The following GAD1 variants were observed in gnomAD, a reference collection of about 807,000 sequenced individuals.
GAD1 encodes the protein glutamate decarboxylase 1.
Under a neutral mutation model 75.2 loss-of-function variants are expected in GAD1, and 35 were observed. The ratio of observed to expected loss-of-function variants is 0.47; its 90% CI spans 0.36 to 0.62. The LOEUF (loss-of-function observed/expected upper bound fraction) is 0.62, where lower values mean the gene tolerates loss of function less well. Among genes scored for constraint, GAD1 ranks in the 20% least tolerant of loss-of-function variants. GAD1 has a pLI of 0.00. For missense variants in GAD1, 490 were observed against 758.5 expected (o/e 0.65, Z 4.16); for synonymous variants, 257 against 271.9 (o/e 0.95, Z 0.54).
intron 14 of GAD1, among the ~76,000 whole-genome samples, chr2:170,855,580 A>C (rs1455272077): frequency 6.6e-6 from 1 of 151,748 alleles, no homozygotes; most frequent in Non-Finnish European, 1.5e-5. Flanking sequence ...TTTTAAACAT[A>C]TAAATAGCCA....
chr2:170,818,557 C>T lies in GAD1; in HGVS notation c.-35C>T. On this transcript the variant is annotated 5_prime_UTR_variant, in exon 2 of 17. Coordinates refer to ENST00000358196, the MANE Select transcript of GAD1 (RefSeq NM_000817.3). This position sits in a 1 kb window ranked among gnomAD's most constrained non-coding sequence, Gnocchi z 5.9. ...GTTTCTGCGCCGGACCAGTCGAGGA[C>T]TCTGGACAGTAGAGGCCCCGGGACG... The T allele has an allele frequency of 6.3e-7, 1 of 1,598,544 alleles. No individual in the cohort carries two copies. The highest frequency in any genetic ancestry group is 8.6e-7 in the Non-Finnish European group (1 of 1,165,690).
intron 14 of GAD1, among the ~76,000 whole-genome samples, chr2:170,855,481 T>A (rs748489830): frequency 3.6e-4 from 54 of 151,986 alleles, no homozygotes; most frequent in Non-Finnish European, 6.3e-4. Flanking sequence ...GTGCTGGGAT[T>A]ACAGGCGTGA....
At chr2:170,850,687 G>A (rs1702728559) in intron 12 of GAD1, among the ~76,000 whole-genome samples, 1 of 152,146 alleles carries the variant, frequency 6.6e-6, no homozygotes, top group South Asian at 2.1e-4. Flanking sequence ...GGTGAGACCG[G>A]CTCTGTGAAG....
intron 3 of GAD1, among the ~76,000 whole-genome samples, chr2:170,824,400 CA>C (rs1455984048): frequency 3.3e-5 from 5 of 151,304 alleles, no homozygotes; most frequent in East Asian, 1.9e-4. Flanking sequence ...CACACACACA[CA>C]CACACACACA....
At chr2:170,814,199 G>C (rs917363160), upstream of GAD1, among the ~76,000 whole-genome samples, 14 of 152,184 alleles carry the variant, frequency 9.2e-5, no homozygotes, top group African/African-American at 3.1e-4. Context: ...AATTCCTACC[G>C]GAGAGAAGAG....
chr2:170,821,937 A>G, intron 2 of GAD1, 150 bp from the exon 3 acceptor site: 1 of 706,646 alleles, frequency 1.4e-6, no homozygotes, highest in East Asian at 2.7e-5. Context: ...CGGCTCACAG[A>G]TTTGGCTCCT....
Position 170,832,656 on chromosome 2 carries a change from GCGCGCGCGCACACACACACACA to G in GAD1, c.547+1466_547+1487del, listed in dbSNP as rs889873891. On this transcript the variant is annotated intron_variant, in intron 5 of 16. Transcript: ENST00000358196. ...CAAAAAGACACAGGCACACATGCGC[GCGCGCGCGCACACACACACACA>G]CACACACACACACACACATACACAC... Among the ~76,000 whole-genome samples the G allele has an allele frequency of 4.6e-4, 18 of 39,176 alleles. 1 individual carries two copies. The highest frequency in any genetic ancestry group is 6.6e-4 in the African/African-American group (18 of 27,386). 25.7% of individuals were successfully genotyped at this position (39,176 alleles called of 152,430 possible). A position where few individuals can be genotyped will look rare whatever the true frequency, so the allele number is the denominator to read the frequency against.
chr2:170,833,004 A>G (rs1702280967), intron 5 of GAD1, among the ~76,000 whole-genome samples: 1 of 152,230 alleles, frequency 6.6e-6, no homozygotes, highest in African/African-American at 2.4e-5. Context: ...CTGAGCTCTC[A>G]GGCAGACAGA....
At chr2:170,820,170 G>A (rs1247283793) in intron 2 of GAD1, among the ~76,000 whole-genome samples, 1 of 152,132 alleles carries the variant, frequency 6.6e-6, no homozygotes, top group East Asian at 1.9e-4. Flanking sequence ...TGCCGCCTGG[G>A]GGTGGGGGTG....
At chr2:170,817,921 CAA>C in intron 1 of GAD1, 1 of 152,808 alleles carries the variant, frequency 6.5e-6, no homozygotes, top group Non-Finnish European at 1.5e-5. Flanking sequence ...CTTCTCTGGC[CAA>C]GTCCGAGGGA....
intron 4 of GAD1, 59 bp from the exon 5 acceptor site, chr2:170,830,891 G>A: frequency 6.2e-7 from 1 of 1,611,432 alleles, no homozygotes; most frequent in Non-Finnish European, 8.5e-7. Flanking sequence ...GGGGTCTCTG[G>A]GCTGAAGAAA....
At chr2:170,830,476 C>G (rs953738406) in intron 4 of GAD1, among the ~76,000 whole-genome samples, 1 of 152,226 alleles carries the variant, frequency 6.6e-6, no homozygotes, top group Admixed American at 6.5e-5. Flanking sequence ...AGTTTCCTGT[C>G]GAAGGACACC....
chr2:170,819,274 A>G (rs1238858432), intron 2 of GAD1, among the ~76,000 whole-genome samples: 1 of 144,244 alleles, frequency 6.9e-6, no homozygotes, highest in African/African-American at 2.5e-5. Context: ...ATTTCATACA[A>G]TTAATTACAT....
rs369955005 is a variant in GAD1 at position 170,843,570 on chromosome 2, CTT to C, written c.639-473_639-472del. Among the ~76,000 whole-genome samples the C allele has an allele frequency of 2.9e-3, 431 of 149,512 alleles. 4 individuals carry two copies. The highest frequency in any genetic ancestry group is 0.01 in the African/African-American group (414 of 40,706). On this transcript the variant is annotated intron_variant, in intron 6 of 16. Transcript: ENST00000358196. Reference sequence around the variant, plus strand: ...GTTTACATTATTTTTAAAAGATAGACTTTGGCTCTGGCTTTTATATATTCTAC... The same window carrying C: ...GTTTACATTATTTTTAAAAGATAGACTGGCTCTGGCTTTTATATATTCTAC...
In GAD1 at chr2:170,858,872, A is replaced by G. The variant is rs778923236; in HGVS notation, c.1590A>G (p.Gln530=). 1 of 1,614,128 alleles carries G rather than the reference A, an allele frequency of 6.2e-7. No homozygotes were observed. Among genetic ancestry groups the G allele is most frequent in the East Asian group, 2.2e-5 (1 of 44,886 alleles). ...QSLRGVPDSP[Q]RREKLHKVAP... is the part of the protein sequence containing the mutation. ...TCAGGGGTGTGCCAGACAGCCCTCA[A>G]CGACGGGAAAAGCTACACAAGGTAT... Residue 530 remains glutamine, a synonymous_variant, in exon 16 of 17, where the codon CAA becomes CAG. Transcript: ENST00000358196.
At chr2:170,823,614 G>T (rs2105760761) in intron 3 of GAD1, among the ~76,000 whole-genome samples, 1 of 152,268 alleles carries the variant, frequency 6.6e-6, no homozygotes, top group Non-Finnish European at 1.5e-5. Flanking sequence ...GGCGGCCGCG[G>T]ATCTTTGTTC....
In GAD1 at chr2:170,822,290, C is replaced by G. The variant is rs1011817117; in HGVS notation, c.145+141C>G. ...ATGTAATTACAGCCAGGACAGCCAG[C>G]GACCACGCTCCCCTACAGGCCCTGA... is the stretch of plus-strand genomic sequence containing the variant. On this transcript the variant is annotated intron_variant, in intron 3 of 16. Coordinates refer to ENST00000358196, the MANE Select transcript of GAD1 (RefSeq NM_000817.3). The G allele has an allele frequency of 3.8e-5, 29 of 756,188 alleles. 1 individual carries two copies. The highest frequency in any genetic ancestry group is 2.9e-4 in the Admixed American group (14 of 48,556). 46.8% of individuals were successfully genotyped at this position (756,188 alleles called of 1,614,324 possible).
Position 170,857,136 on chromosome 2 carries a change from A to T in GAD1, c.1521+11A>T. ...GTTTTCAATGGCGAGGTAGGTAATC[A>T]TCATGGACCAGGTACACAGTATTTC... On this transcript the variant is annotated intron_variant, in intron 15 of 16. Coordinates refer to ENST00000358196, the MANE Select transcript of GAD1 (RefSeq NM_000817.3). The T allele has an allele frequency of 2.5e-6, 4 of 1,592,758 alleles. No individual in the cohort carries two copies. Among genetic ancestry groups the T allele is most frequent in the Non-Finnish European group, 3.4e-6 (4 of 1,160,776 alleles).
At chr2:170,844,199 T>C (rs1442037659) in intron 7 of GAD1, 42 bp downstream of exon 7, 3 of 1,129,106 alleles carry the variant, frequency 2.7e-6, no homozygotes, top group Non-Finnish European at 4.1e-6. Context: ...TTTGGGATTC[T>C]TAAGAATACA....
Sources: gnomAD v4.1 joint callset for allele counts (sites outside exome capture counted in the v4.1 genomes callset) on GRCh38, gnomAD v4.1.1 for gene constraint, Gnocchi (gnomAD v3.1) non-coding constraint, MANE v1.5 for transcripts, NCBI Gene and HGNC (gene_info 2026-07-23, HGNC 2026-07-21) for gene names.